Variants in SMG6 observed in about 807,000 individuals in gnomAD.
The protein encoded by SMG6 is SMG6 nonsense mediated mRNA decay factor, also known as telomerase-binding protein EST1A.
In SMG6, 66 loss-of-function variants were observed where a neutral mutation model predicts 142.2. The ratio of observed to expected loss-of-function variants is 0.46; its 90% confidence interval spans 0.38 to 0.57. The LOEUF is 0.57. Among genes scored for constraint, SMG6 ranks in the 20% least tolerant of loss-of-function variants. The pLI is 0.00. For missense variants in SMG6, 1,793 were observed against 1,832.0 expected (o/e 0.98, Z 0.39); for synonymous variants, 779 against 702.4 (o/e 1.11, Z -1.72).
intron 10 of SMG6, among the ~76,000 whole-genome samples, chr17:2,204,775 C>T (rs2072628802): frequency 6.6e-6 from 1 of 152,252 alleles, no homozygotes; most frequent in African/African-American, 2.4e-5. Context: ...CCAGCCTAGG[C>T]AACGTGGCAA....
At chr17:2,119,186 T>C (rs996337155) in intron 13 of SMG6, among the ~76,000 whole-genome samples, 1 of 151,674 alleles carries the variant, frequency 6.6e-6, no homozygotes, top group African/African-American at 2.4e-5. Context: ...GCCTCCCAAA[T>C]AGCTGGGATT....
At chr17:2,155,535 G>A (rs1252704261) in intron 13 of SMG6, among the ~76,000 whole-genome samples, 3 of 152,176 alleles carry the variant, frequency 2.0e-5, no homozygotes, top group Non-Finnish European at 4.4e-5. Flanking sequence ...TGACCATAAG[G>A]AGCAAGTAGG....
intron 13 of SMG6, among the ~76,000 whole-genome samples, chr17:2,089,294 G>C (rs2068649495): frequency 6.6e-6 from 1 of 152,030 alleles, no homozygotes; most frequent in Non-Finnish European, 1.5e-5. Context: ...TCCCTTCCTG[G>C]GCTACATTAG....
chr17:2,112,528 T>TAAA (rs1391004404), intron 13 of SMG6, among the ~76,000 whole-genome samples: 5 of 5,710 alleles, frequency 8.8e-4, no homozygotes, highest in African/African-American at 7.7e-3. Context: ...AAATAAAAAA[T>TAAA]AAATAAATAA....
intron 9 of SMG6, among the ~76,000 whole-genome samples, chr17:2,243,800 TCACAATACAACTTCCAACTCAG>T (rs1327593084): frequency 6.6e-6 from 1 of 152,160 alleles, no homozygotes; most frequent in Non-Finnish European, 1.5e-5. Context: ...AAAGGGTAGC[TCACAATACAACTTCCAACTCAG>T]AAAATATTAG....
At chr17:2,303,019 T>C in intron 1 of SMG6, 2 of 985,474 alleles carry the variant, frequency 2.0e-6, no homozygotes, top group Non-Finnish European at 2.4e-6. Flanking sequence ...CTTACTTTCC[T>C]GACGTGGCTG....
At chr17:2,066,845 A>C (rs2067966962) in intron 16 of SMG6, among the ~76,000 whole-genome samples, 1 of 152,236 alleles carries the variant, frequency 6.6e-6, no homozygotes, top group Non-Finnish European at 1.5e-5. Context: ...TCCTGCTTCC[A>C]AACTAAACAG....
chr17:2,164,842 CAGG>C (rs1413428008), intron 13 of SMG6, among the ~76,000 whole-genome samples: 5 of 151,870 alleles, frequency 3.3e-5, no homozygotes, highest in Admixed American at 3.3e-4. Context: ...GAGGCTGAGG[CAGG>C]AGAATTACTT....
intron 8 of SMG6, among the ~76,000 whole-genome samples, chr17:2,271,880 G>C (rs886113234): frequency 6.6e-6 from 1 of 152,112 alleles, no homozygotes; most frequent in Non-Finnish European, 1.5e-5. Context: ...TTGTCTAAAA[G>C]AATAGCCCTT....
intron 6 of SMG6, among the ~76,000 whole-genome samples, chr17:2,287,535 G>A (rs901278986): frequency 6.6e-6 from 1 of 152,072 alleles, no homozygotes; most frequent in Non-Finnish European, 1.5e-5. Flanking sequence ...CTAGTAATTC[G>A]TTTTCTGGGT....
At position 2,061,443 on chromosome 17, in the gene SMG6, T is replaced by C. The variant is rs776381239; in HGVS notation, c.*49A>G. The C allele has an allele frequency of 6.7e-7, 1 of 1,498,854 alleles. No individual in the cohort carries two copies. The highest frequency in any genetic ancestry group is 2.5e-5 in the East Asian group (1 of 39,336). 92.8% of individuals were successfully genotyped at this position (1,498,854 alleles called of 1,614,324 possible). Reference sequence around the variant, plus strand: ...CTTCCGTGCTACACTGGGCGCCTGGTGGCCTTTCAGGAACGGTTCCACGGG... The same window carrying C: ...CTTCCGTGCTACACTGGGCGCCTGGCGGCCTTTCAGGAACGGTTCCACGGG... On this transcript the variant is annotated 3_prime_UTR_variant, in exon 19 of 19. Transcript: ENST00000263073.
chr17:2,167,418 G>C (rs2071376025), intron 13 of SMG6, among the ~76,000 whole-genome samples: 1 of 152,190 alleles, frequency 6.6e-6, no homozygotes, highest in Non-Finnish European at 1.5e-5. Flanking sequence ...CAGGACAGCA[G>C]AAATTACTGA....
At chr17:2,249,419 C>T (rs2073999406) in intron 8 of SMG6, among the ~76,000 whole-genome samples, 1 of 152,168 alleles carries the variant, frequency 6.6e-6, no homozygotes, top group Non-Finnish European at 1.5e-5. Flanking sequence ...CCTTAGCCCG[C>T]AAAGTGCTAA....
At chr17:2,114,632 T>C (rs1302552136) in intron 13 of SMG6, among the ~76,000 whole-genome samples, 1 of 151,682 alleles carries the variant, frequency 6.6e-6, no homozygotes, top group East Asian at 1.9e-4. Context: ...TGTGATGCAG[T>C]TGGAAGGGCA....
At chr17:2,278,721 T>C (rs1267042241) in intron 8 of SMG6, among the ~76,000 whole-genome samples, 1 of 152,180 alleles carries the variant, frequency 6.6e-6, no homozygotes, top group African/African-American at 2.4e-5. Flanking sequence ...TAAATACCGA[T>C]TTGATCATTA....
At chr17:2,193,339 T>C (rs1011388710) in intron 10 of SMG6, among the ~76,000 whole-genome samples, 1 of 152,198 alleles carries the variant, frequency 6.6e-6, no homozygotes, top group Non-Finnish European at 1.5e-5. Flanking sequence ...CCGAAATGCT[T>C]CCTGTACAAC....
intron 9 of SMG6, among the ~76,000 whole-genome samples, chr17:2,238,284 A>C (rs1354969914): frequency 2.0e-5 from 3 of 152,224 alleles, no homozygotes; most frequent in African/African-American, 7.2e-5. Flanking sequence ...CATTGGCACA[A>C]AAGATGCCAT....
intron 13 of SMG6, among the ~76,000 whole-genome samples, chr17:2,167,927 G>A (rs2071390606): frequency 6.6e-6 from 1 of 151,914 alleles, no homozygotes; most frequent in African/African-American, 2.4e-5. Flanking sequence ...AGGCTGCAGT[G>A]CAGTGGCGCA....
intron 13 of SMG6, among the ~76,000 whole-genome samples, chr17:2,145,239 G>A (rs2070626747): frequency 6.6e-6 from 1 of 151,546 alleles, no homozygotes; most frequent in East Asian, 1.9e-4. Flanking sequence ...TCAGCCTTCT[G>A]AGTAGCTGGG....
Sources: gnomAD v4.1 joint callset for allele counts (sites outside exome capture counted in the v4.1 genomes callset) on GRCh38, gnomAD v4.1.1 for gene constraint, MANE v1.5 for transcripts, NCBI Gene and HGNC (gene_info 2026-07-23, HGNC 2026-07-21) for gene names.